The following TEX52 variants were observed in gnomAD, a reference collection of about 807,000 sequenced individuals.
The protein encoded by TEX52 is testis expressed 52, also known as testis-expressed protein 52.
Under a neutral mutation model 17.6 loss-of-function variants are expected in TEX52, and 22 were observed. That is an observed-to-expected ratio of 1.25 (90% CI 0.89 to 1.78). The LOEUF (loss-of-function observed/expected upper bound fraction) is 1.78. TEX52 is among the 40% of genes most tolerant of loss of function. TEX52 has a pLI of 0.00. For missense variants in TEX52, 396 were observed against 372.3 expected, an observed-to-expected ratio of 1.06 and a Z score of -0.52; for synonymous variants, 168 against 147.4, an observed-to-expected ratio of 1.14 and a Z score of -1.01.
rs774214996 is a variant in TEX52, at chr12:2,854,982, C to T, written c.537G>A (p.Glu179=). 26 of 1,536,130 alleles carry T rather than the reference C, an allele frequency of 1.7e-5. No individual in the cohort carries two copies. Among genetic ancestry groups the T allele is most frequent in the Non-Finnish European group, 2.2e-5 (25 of 1,146,940 alleles). ...VIFRTVKELK[E]VEKLKLRSEA... The stretch of plus-strand genomic sequence containing the variant: ...CACTCCTCAACTTGAGCTTCTCCAC[C>T]TCCTTCAACTCCTTCACTGTCCTGA... Residue 179 remains glutamate, a synonymous_variant, in exon 2 of 3, where the codon GAG becomes GAA. Coordinates refer to ENST00000637658, the MANE Select transcript of TEX52 (RefSeq NM_001365174.2).
intron 2 of TEX52, among the ~76,000 whole-genome samples, chr12:2,853,418 G>T (rs190483576): frequency 5.9e-5 from 9 of 151,890 alleles, no homozygotes; most frequent in Admixed American, 2.6e-4. Flanking sequence ...GATTACAGGC[G>T]CCTGCCACCA....
chr12:2,848,126 G>C (rs982034063), downstream of TEX52, among the ~76,000 whole-genome samples: 1 of 152,194 alleles, frequency 6.6e-6, no homozygotes. Context: ...CTGCTTAGTG[G>C]TTAAAGCAGC....
At chr12:2,852,420 G>T (rs775768359) in intron 2 of TEX52, among the ~76,000 whole-genome samples, 4 of 152,058 alleles carry the variant, frequency 2.6e-5, no homozygotes, top group Non-Finnish European at 5.9e-5. Flanking sequence ...AGCCTGGAGT[G>T]CAGTGGCACA....
At chr12:2,855,794 G>A (rs1397779579) in intron 1 of TEX52, among the ~76,000 whole-genome samples, 3 of 152,104 alleles carry the variant, frequency 2.0e-5, no homozygotes, top group Non-Finnish European at 4.4e-5. Flanking sequence ...TCCTTAGAGG[G>A]CACATCAGGC....
In TEX52 at chr12:2,855,171, G is replaced by A. The variant is rs529022882; in HGVS notation, c.348C>T (p.Tyr116=). Residue 116 remains tyrosine (Y), a synonymous_variant, in exon 2 of 3, where the codon TAC becomes TAT. Coordinates refer to ENST00000637658, the MANE Select transcript of TEX52 (RefSeq NM_001365174.2). ...TCAGCCAGCGCCAGACATTGCTATC[G>A]TAGGGCCTGTCAGGCTGGGTGGGGA... The part of the protein sequence containing the change: ...ATFPTQPDRP[Y]DSNVWRWLTD... The A allele has an allele frequency of 1.1e-4, 162 of 1,517,862 alleles. 1 individual carries two copies. Among genetic ancestry groups the A allele is most frequent in the African/African-American group, 9.1e-4 (66 of 72,794 alleles). The allele number at this position is 1,517,862 out of a possible 1,614,324, so 94.0% of individuals were successfully genotyped here. A position where few individuals can be genotyped will look rare whatever the true frequency, so the allele number is the denominator to read the frequency against.
In TEX52 at chr12:2,855,098, G is replaced by C. The variant is rs975383869; in HGVS notation, c.421C>G (p.Pro141Ala). The C allele has an allele frequency of 3.9e-6, 6 of 1,535,632 alleles. No homozygotes were observed. The Admixed American group carries it at 9.8e-5, about 25-fold the overall frequency. Residue 141 changes from proline (P) to alanine (A), a missense_variant, in exon 2 of 3, where the codon CCT becomes GCT. Pro to Ala is a conservative substitution (Grantham distance 27, BLOSUM62 -1). Transcript: ENST00000637658. ...RCPPTEHPIPPPSWMGQNSFL... is the reference protein window; with the variant it reads ...RCPPTEHPIPAPSWMGQNSFL... ...CTGTTTTGCCCCATCCAGGAGGGAGGGGGGATGGGGTGCTCCGTGGGGGGG... is the reference window on the plus strand; with the variant it reads ...CTGTTTTGCCCCATCCAGGAGGGAGCGGGGATGGGGTGCTCCGTGGGGGGG...
chr12:2,855,504 T>C, intron 1 of TEX52, 58 bp from the exon 2 acceptor site: 1 of 1,303,840 alleles, frequency 7.7e-7, no homozygotes, highest in Non-Finnish European at 1.0e-6. Flanking sequence ...TGCAGAAAGG[T>C]GGGTGAGGCA....
rs776973051 is a variant in TEX52, at chr12:2,849,205, C to G, written c.*26G>C. ...CACTGGAGCCTGGGGCTCTGGGTAT[C>G]ACGATCGTCCCCTCTGGAAGCCCTT... On this transcript the variant is annotated 3_prime_UTR_variant, in exon 3 of 3. Coordinates refer to ENST00000637658, the MANE Select transcript of TEX52 (RefSeq NM_001365174.2). 28 of 1,519,548 alleles carry G rather than the reference C, an allele frequency of 1.8e-5. No individual in the cohort carries two copies. The highest frequency in any genetic ancestry group is 2.3e-5 in the Non-Finnish European group (26 of 1,140,562). The allele number at this position is 1,519,548 out of a possible 1,614,324, so 94.1% of individuals were successfully genotyped here.
downstream of TEX52, among the ~76,000 whole-genome samples, chr12:2,848,881 A>G (rs1316409963): frequency 1.2e-4 from 16 of 132,814 alleles, no homozygotes; most frequent in African/African-American, 2.8e-4. Flanking sequence ...ACACACGCAC[A>G]CACACACACA....
intron 2 of TEX52, among the ~76,000 whole-genome samples, chr12:2,852,643 G>A (rs559955264): frequency 6.6e-6 from 1 of 152,200 alleles, no homozygotes; most frequent in Non-Finnish European, 1.5e-5. Context: ...GGGATTACAG[G>A]CATGAACCAT....
At chr12:2,848,879 A>ACACACG (rs1555092631), downstream of TEX52, among the ~76,000 whole-genome samples, 1 of 109,832 alleles carries the variant, frequency 9.1e-6, no homozygotes, top group Non-Finnish European at 1.9e-5. Flanking sequence ...ACACACACGC[A>ACACACG]CACACACACA....
chr12:2,849,067 CCTGGGGTACAGAGGTGGCTTGAGG>C lies in TEX52; in HGVS notation c.*140_*163del. 1 of 664,994 alleles carries C rather than the reference CCTGGGGTACAGAGGTGGCTTGAGG, an allele frequency of 1.5e-6. No homozygotes were observed. Among genetic ancestry groups the C allele is most frequent in the Non-Finnish European group, 2.5e-6 (1 of 403,662 alleles). The allele number at this position is 664,994 out of a possible 1,614,324, so 41.2% of individuals were successfully genotyped here. The stretch of plus-strand genomic sequence containing the variant: ...AGAATTTCAGTTGAATCTCCAATAG[CCTGGGGTACAGAGGTGGCTTGAGG>C]CTGGGAGGATGGTGGAGAGGCTGTT... On this transcript the variant is annotated 3_prime_UTR_variant, in exon 3 of 3. Coordinates refer to ENST00000637658, the MANE Select transcript of TEX52 (RefSeq NM_001365174.2).
chr12:2,855,129 G>A lies in TEX52; in HGVS notation c.390C>T (p.His130=). 1.3e-6 allele frequency: 2 copies of A among 1,533,524 alleles called. No homozygotes were observed. Among genetic ancestry groups the A allele is most frequent in the South Asian group, 2.4e-5 (2 of 83,846 alleles). The allele number at this position is 1,533,524 out of a possible 1,614,324, so 95.0% of individuals were successfully genotyped here. Residue 130 remains histidine, a synonymous_variant, in exon 2 of 3, where the codon CAC becomes CAT. Coordinates refer to ENST00000637658, the MANE Select transcript of TEX52 (RefSeq NM_001365174.2). ...VWRWLTDSNA[H]RCPPTEHPIP... is the part of the protein sequence containing the mutation. ...TGGGGTGCTCCGTGGGGGGGCATCT[G>A]TGGGCATTGGAGTCGGTCAGCCAGC... is the stretch of plus-strand genomic sequence containing the variant.
intron 2 of TEX52, among the ~76,000 whole-genome samples, chr12:2,851,980 A>G (rs1427600499): frequency 6.6e-6 from 1 of 152,228 alleles, no homozygotes; most frequent in African/African-American, 2.4e-5. Flanking sequence ...TTCCCGGTCC[A>G]CTAAATTTAT....
chr12:2,856,852 C>T lies in TEX52; in HGVS notation c.72+103G>A, dbSNP rs981579194. ...GGAAGACAGCAGAAAATGTATGGGC[C>T]AGGCAGTCTGCTGCCCAGAAGAAAG... On this transcript the variant is annotated intron_variant, in intron 1 of 2. Transcript: ENST00000637658. The T allele has an allele frequency of 1.0e-5, 7 of 685,568 alleles. No individual in the cohort carries two copies. The Admixed American group carries it at 1.2e-4, about 12-fold the overall frequency. 42.5% of individuals were successfully genotyped at this position (685,568 alleles called of 1,614,324 possible). A position where few individuals can be genotyped will look rare whatever the true frequency, so the allele number is the denominator to read the frequency against.
In TEX52 at chr12:2,849,371, C is replaced by T. The variant is rs769513040; in HGVS notation, c.778G>A (p.Ala260Thr). ...CTTATGAGGTCCTGGCTCAGGGGCGCGCTGGGCAGCAAGGCCAGCTTTAGC... is the reference window on the plus strand; with the variant it reads ...CTTATGAGGTCCTGGCTCAGGGGCGTGCTGGGCAGCAAGGCCAGCTTTAGC... ...KVLKLALLPS[A>T]PLSQDLIRDF... The change falls in exon 3 of 3, where the codon GCG (alanine) becomes ACG (threonine). Residue 260 changes from alanine to threonine, a missense_variant. By Grantham distance (58) the Ala-to-Thr change is moderately conservative (BLOSUM62 0). Transcript: ENST00000637658. The T allele has an allele frequency of 1.1e-4, 164 of 1,536,030 alleles. No individual in the cohort carries two copies. Among genetic ancestry groups the T allele is most frequent in the African/African-American group, 2.1e-4 (15 of 73,052 alleles).
At position 2,855,360 on chromosome 12, in the gene TEX52, A is replaced by G; in HGVS notation, c.159T>C (p.Pro53=). 7.8e-7 allele frequency: 1 copy of G among 1,282,696 alleles called. No individual in the cohort carries two copies. The highest frequency in any genetic ancestry group is 1.0e-6 in the Non-Finnish European group (1 of 986,122). The allele number at this position is 1,282,696 out of a possible 1,614,324, so 79.5% of individuals were successfully genotyped here. The change falls in exon 2 of 3, where the codon CCT becomes CCC. Residue 53 remains proline, a synonymous_variant. Coordinates refer to ENST00000637658, the MANE Select transcript of TEX52 (RefSeq NM_001365174.2). The stretch of plus-strand genomic sequence containing the variant: ...GGTGGTAGGCTTGCCGGGTGAAGCC[A>G]GGGAACTCCCAGGACTCGCTGGGGA... ...FFLPSESWEF[P]GFTRQAYHQL... is the part of the protein sequence containing the mutation.
At chr12:2,848,958 C>T, downstream of TEX52, 1 of 458,194 alleles carries the variant, frequency 2.2e-6, no homozygotes, top group Non-Finnish European at 3.9e-6. Flanking sequence ...GAGCCCCTCC[C>T]TGTTCTCCCT....
chr12:2,855,398 G>A lies in TEX52; in HGVS notation c.121C>T (p.Arg41Cys), dbSNP rs143773453. 825 of 1,496,694 alleles carry A rather than the reference G, an allele frequency of 5.5e-4. 12 individuals are homozygous for A. In the Middle Eastern group the frequency reaches 5.7e-3, roughly 10 times the overall value. The allele number at this position is 1,496,694 out of a possible 1,614,324, so 92.7% of individuals were successfully genotyped here. A position where few individuals can be genotyped will look rare whatever the true frequency, so the allele number is the denominator to read the frequency against. Reference sequence around the variant, plus strand: ...GACTCGCTGGGGAGGAAGAACTCACGCTGAGCCCACGTTTGGGAGGGTGGG... The same window carrying A: ...GACTCGCTGGGGAGGAAGAACTCACACTGAGCCCACGTTTGGGAGGGTGGG... ...SLPPSQTWAQ[R>C]EFFLPSESWE... Residue 41 changes from arginine to cysteine, a missense_variant, in exon 2 of 3, where the codon CGT becomes TGT. Coordinates refer to ENST00000637658, the MANE Select transcript of TEX52 (RefSeq NM_001365174.2).
Sources: allele counts gnomAD v4.1 joint callset (sites outside exome capture counted in the v4.1 genomes callset), GRCh38; gene constraint gnomAD v4.1.1; transcripts MANE v1.5; gene names NCBI Gene and HGNC (gene_info 2026-07-23, HGNC 2026-07-21).